HECTD4: variants seen among roughly 807,000 people sequenced by gnomAD.
HECTD4 encodes the protein probable E3 ubiquitin-protein ligase HECTD4.
A neutral mutation model predicts 471.5 loss-of-function variants in HECTD4; 114 were observed. The ratio of observed to expected loss-of-function variants is 0.24; its 90% CI spans 0.21 to 0.28. HECTD4 has a LOEUF of 0.28. Among genes scored for constraint, HECTD4 ranks in the 10% least tolerant of loss-of-function variants. The pLI is 1.00. For synonymous variants in HECTD4, 2,012 were observed against 2,256.0 expected (o/e 0.89, Z 3.07); for missense variants, 3,866 against 5,651.5 (o/e 0.68, Z 10.13).
At chr12:112,195,195 C>G (rs548443911) in intron 55 of HECTD4, 129 bp from the exon 56 acceptor site, 307 of 696,466 alleles carry the variant, frequency 4.4e-4, no homozygotes, top group Non-Finnish European at 6.6e-4. Flanking sequence ...TGTTCCAAAC[C>G]CTAAAGGAGT....
Position 112,309,607 on chromosome 12 carries a change from C to T in HECTD4, c.979G>A (p.Gly327Arg), listed in dbSNP as rs1036090752. The change falls in exon 5 of 76, where the codon GGA becomes AGA. Residue 327 changes from glycine to arginine, a missense_variant. Gly to Arg is a moderately radical substitution (Grantham distance 125). Coordinates refer to ENST00000682272, the MANE Select transcript of HECTD4 (RefSeq NM_001388303.1). ...GLYLYTTNSV[G>R]RGVSKLGSGL... Reference sequence around the variant, plus strand: ...GATCCCAATTTGCTTACTCCTCTTCCAACTGAGTTAGTAGTATACAGGTAA... The same window carrying T: ...GATCCCAATTTGCTTACTCCTCTTCTAACTGAGTTAGTAGTATACAGGTAA... The T allele has an allele frequency of 4.6e-6, 7 of 1,534,870 alleles. No homozygotes were observed. Among genetic ancestry groups the T allele is most frequent in the Non-Finnish European group, 6.1e-6 (7 of 1,144,924 alleles).
chr12:112,252,651 A>G (rs2033918413), intron 22 of HECTD4, 123 bp from the exon 23 acceptor site: 2 of 1,162,430 alleles, frequency 1.7e-6, no homozygotes, highest in Non-Finnish European at 1.2e-6. Flanking sequence ...TCCTTTTCTC[A>G]TTTGCTTTTT....
rs556039208 is a variant in HECTD4, at chr12:112,176,549, G to T, written c.11470+47C>A. 1.3e-4 allele frequency: 169 copies of T among 1,347,018 alleles called. 2 individuals are homozygous for T. In the South Asian group the frequency reaches 1.9e-3, roughly 15 times the overall value. 83.4% of individuals were successfully genotyped at this position (1,347,018 alleles called of 1,614,324 possible). On this transcript the variant is annotated intron_variant, in intron 65 of 75. Transcript: ENST00000682272. The stretch of plus-strand genomic sequence containing the variant: ...TCCTCGGGGGGTGCCTAGTCTCCAG[G>T]ATGGAAGTAGGTCCCAGCCCACTCC...
At chr12:112,362,174 G>A (rs2036462075) in intron 1 of HECTD4, among the ~76,000 whole-genome samples, 1 of 152,190 alleles carries the variant, frequency 6.6e-6, no homozygotes, top group Non-Finnish European at 1.5e-5. Context: ...CAATGGGACT[G>A]TGCTTATGTA....
chr12:112,240,025 A>G lies in HECTD4; in HGVS notation c.4961T>C (p.Ile1654Thr), dbSNP rs550138761. ...CATCCCACCACATGTGAGTTCTTCA[A>G]TTCTGTGAAAGAGAAACCAAAGCTC... ...VTMVLQGGPR[I>T]EELTCGGMVE... Residue 1654 changes from isoleucine (I) to threonine (T), a missense_variant and splice_region_variant, in exon 33 of 76, where the codon ATT becomes ACT. Coordinates refer to ENST00000682272, the MANE Select transcript of HECTD4 (RefSeq NM_001388303.1). 7 of 1,613,582 alleles carry G rather than the reference A, an allele frequency of 4.3e-6. No homozygotes were observed. Among genetic ancestry groups the G allele is most frequent in the African/African-American group, 1.3e-5 (1 of 74,924 alleles).
At chr12:112,273,571 CTA>C (rs2135625767) in intron 11 of HECTD4, 82 bp downstream of exon 11, 1 of 1,305,410 alleles carries the variant, frequency 7.7e-7, no homozygotes, top group Non-Finnish European at 1.1e-6. Flanking sequence ...TGGGGTTGGG[CTA>C]TGTTTTCACC....
intron 27 of HECTD4, 29 bp downstream of exon 27, chr12:112,248,038 C>A: frequency 6.6e-7 from 1 of 1,510,942 alleles, no homozygotes; most frequent in East Asian, 2.3e-5. Flanking sequence ...ATGGCAATAC[C>A]CCAGTGACAA....
chr12:112,278,263 T>C (rs559102764), intron 9 of HECTD4, among the ~76,000 whole-genome samples: 10 of 152,236 alleles, frequency 6.6e-5, no homozygotes, highest in African/African-American at 2.2e-4. Flanking sequence ...GATAGATTAG[T>C]GGTAATGACT....
chr12:112,217,682 C>T (rs940722896), intron 45 of HECTD4, among the ~76,000 whole-genome samples: 2 of 152,180 alleles, frequency 1.3e-5, no homozygotes, highest in Admixed American at 1.3e-4. Context: ...AAAAGTGTAT[C>T]TTTTTTCCAA....
intron 53 of HECTD4, 120 bp downstream of exon 53, chr12:112,204,366 C>G (rs932661769): frequency 1.0e-6 from 1 of 991,004 alleles, no homozygotes; most frequent in African/African-American, 1.6e-5. Context: ...AAGAGGTTAG[C>G]CCAGTCGGAG....
At chr12:112,364,049 G>A (rs1485544593) in intron 1 of HECTD4, among the ~76,000 whole-genome samples, 1 of 145,852 alleles carries the variant, frequency 6.9e-6, no homozygotes. Context: ...TACTTATCTA[G>A]GTTCCAATAT....
chr12:112,268,655 C>G (rs1354935724), intron 13 of HECTD4, among the ~76,000 whole-genome samples: 1 of 151,778 alleles, frequency 6.6e-6, no homozygotes, highest in East Asian at 2.0e-4. Flanking sequence ...ACTTGAGAGG[C>G]TGAGGCAGGA....
chr12:112,272,024 T>A (rs1356354481), intron 11 of HECTD4, among the ~76,000 whole-genome samples: 1 of 152,152 alleles, frequency 6.6e-6, no homozygotes, highest in Non-Finnish European at 1.5e-5. Context: ...TTCTTGCATT[T>A]ATTTTTTTTA....
intron 1 of HECTD4, among the ~76,000 whole-genome samples, chr12:112,370,482 G>C (rs2036644594): frequency 6.6e-6 from 1 of 152,064 alleles, no homozygotes; most frequent in African/African-American, 2.4e-5. Context: ...AAATAATGTG[G>C]TAGATATATA....
At chr12:112,264,954 G>A (rs1041826587) in intron 16 of HECTD4, among the ~76,000 whole-genome samples, 6 of 152,080 alleles carry the variant, frequency 3.9e-5, no homozygotes, top group South Asian at 2.1e-4. Flanking sequence ...TAATAGAGAC[G>A]GGGTTTCACC....
At chr12:112,202,080 G>A (rs1012668006) in intron 54 of HECTD4, among the ~76,000 whole-genome samples, 1 of 152,074 alleles carries the variant, frequency 6.6e-6, no homozygotes, top group Non-Finnish European at 1.5e-5. Flanking sequence ...GAAGGCAGTG[G>A]GAGATTAACA....
At chr12:112,229,369 ACTG>A (rs750798907) in intron 41 of HECTD4, among the ~76,000 whole-genome samples, 3 of 151,692 alleles carry the variant, frequency 2.0e-5, no homozygotes, top group Non-Finnish European at 4.4e-5. Flanking sequence ...CAAACTTGTT[ACTG>A]CTGTTTAATG....
chr12:112,380,353 G>T (rs2036864948), intron 1 of HECTD4, among the ~76,000 whole-genome samples: 1 of 152,030 alleles, frequency 6.6e-6, no homozygotes. Flanking sequence ...GCAGAGGCAG[G>T]AGAATCGTTT....
chr12:112,233,997 T>C (rs1013096792), intron 37 of HECTD4, among the ~76,000 whole-genome samples: 2 of 152,198 alleles, frequency 1.3e-5, no homozygotes, highest in South Asian at 4.1e-4. Context: ...TACTATTGTT[T>C]TTATTCCTTT....
Sources: allele counts gnomAD v4.1 joint callset (sites outside exome capture counted in the v4.1 genomes callset), GRCh38; gene constraint gnomAD v4.1.1; transcripts MANE v1.5; gene names NCBI Gene and HGNC (gene_info 2026-07-23, HGNC 2026-07-21).